Variants in LRP1B observed in about 807,000 individuals in gnomAD.
LRP1B encodes the protein low-density lipoprotein receptor-related protein 1B.
LRP1B carries 217 observed loss-of-function variants against 556.6 expected under a neutral mutation model. That is an observed-to-expected ratio of 0.39 (90% CI 0.35 to 0.44). The LOEUF is 0.44. Among genes scored for constraint, LRP1B ranks in the 20% least tolerant of loss-of-function variants. LRP1B has a pLI of 1.00. For missense variants in LRP1B, 5,053 were observed against 5,620.8 expected, an observed-to-expected ratio of 0.90 and a Z score of 3.23; for synonymous variants, 2,047 against 1,865.8, an observed-to-expected ratio of 1.10 and a Z score of -2.50.
chr2:141,000,508 A>G (rs577115433), intron 15 of LRP1B, among the ~76,000 whole-genome samples: 2 of 152,032 alleles, frequency 1.3e-5, no homozygotes, highest in Non-Finnish European at 2.9e-5. Context: ...TGTCTATTAC[A>G]AGTACAGGTG....
chr2:141,717,395 T>G (rs1037852373), intron 2 of LRP1B, among the ~76,000 whole-genome samples: 4 of 152,210 alleles, frequency 2.6e-5, no homozygotes, highest in African/African-American at 9.6e-5. Flanking sequence ...GCACTTCAAG[T>G]TGACCAGTGG....
intron 41 of LRP1B, among the ~76,000 whole-genome samples, chr2:140,608,474 C>T (rs574043384): frequency 6.6e-6 from 1 of 152,244 alleles, no homozygotes; most frequent in South Asian, 2.1e-4. Context: ...GAGATCCAAC[C>T]CTTTCAAAGG....
chr2:141,826,197 A>G (rs542870911), intron 1 of LRP1B, among the ~76,000 whole-genome samples: 4 of 151,748 alleles, frequency 2.6e-5, no homozygotes, highest in East Asian at 1.9e-4. Context: ...ATATATATAA[A>G]TTATCAGGGA....
chr2:140,581,007 T>A (rs1317619559), intron 43 of LRP1B, among the ~76,000 whole-genome samples: 1 of 152,200 alleles, frequency 6.6e-6, no homozygotes, highest in Non-Finnish European at 1.5e-5. Flanking sequence ...ATTGCAGCAA[T>A]AAATCAAAAG....
chr2:140,959,981 C>T (rs1695986516), intron 18 of LRP1B, among the ~76,000 whole-genome samples: 1 of 151,510 alleles, frequency 6.6e-6, no homozygotes, highest in African/African-American at 2.4e-5. Context: ...GGGTACTTTT[C>T]GTTCAGTTTC....
intron 1 of LRP1B, among the ~76,000 whole-genome samples, chr2:141,868,834 A>G (rs1360307525): frequency 1.3e-5 from 2 of 152,148 alleles, no homozygotes; most frequent in Non-Finnish European, 2.9e-5. Context: ...CAAAATGTCA[A>G]GAAAGGTATC....
intron 55 of LRP1B, among the ~76,000 whole-genome samples, chr2:140,500,152 C>G (rs2104886260): frequency 6.6e-6 from 1 of 151,996 alleles, no homozygotes; most frequent in South Asian, 2.1e-4. Context: ...TCTAAGTTTA[C>G]AAGTTTAACC....
At chr2:140,979,208 G>A (rs1380003460) in intron 18 of LRP1B, among the ~76,000 whole-genome samples, 1 of 151,998 alleles carries the variant, frequency 6.6e-6, no homozygotes, top group Non-Finnish European at 1.5e-5. Flanking sequence ...CCAACTCTTG[G>A]CCTCAAGCGA....
rs766909516 is a variant in LRP1B, at chr2:140,487,689, G to A, written c.9171C>T (p.Ile3057=). The A allele has an allele frequency of 6.3e-7, 1 of 1,592,996 alleles. No individual in the cohort carries two copies. Among genetic ancestry groups the A allele is most frequent in the Admixed American group, 1.7e-5 (1 of 58,840 alleles). Residue 3057 remains isoleucine (I), a synonymous_variant, in exon 58 of 91, where the codon ATC becomes ATT. Transcript: ENST00000389484. ...TGGGTCGGCTAGAATCGATCCAATA[G>A]ATGAATTCTTCTCTGTAATCAAAGT... ...AIDFDYREEF[I]YWIDSSRPNG...
chr2:140,407,598 C>T (rs767237746), intron 66 of LRP1B, among the ~76,000 whole-genome samples: 4 of 152,032 alleles, frequency 2.6e-5, no homozygotes, highest in Non-Finnish European at 5.9e-5. Context: ...TACTGATCAT[C>T]AGGGAAATGT....
chr2:142,082,303 A>C (rs1574664558), intron 1 of LRP1B, among the ~76,000 whole-genome samples: 1 of 152,330 alleles, frequency 6.6e-6, no homozygotes, highest in Non-Finnish European at 1.5e-5. Flanking sequence ...AACACAGGCA[A>C]GATGAATCAA....
At chr2:141,489,135 T>G (rs1254167008) in intron 2 of LRP1B, among the ~76,000 whole-genome samples, 862 of 36,908 alleles carry the variant, frequency 0.023, 30 homozygotes, top group African/African-American at 0.055. Flanking sequence ...TTTTTTTTTT[T>G]TTTTTGTGAG....
intron 41 of LRP1B, among the ~76,000 whole-genome samples, chr2:140,688,905 T>A (rs1686141519): frequency 6.6e-6 from 1 of 152,216 alleles, no homozygotes; most frequent in Non-Finnish European, 1.5e-5. Context: ...TTACAGAAAT[T>A]TGAAGAGCTA....
intron 2 of LRP1B, among the ~76,000 whole-genome samples, chr2:141,692,347 C>G (rs897443142): frequency 6.6e-6 from 1 of 151,966 alleles, no homozygotes; most frequent in African/African-American, 2.4e-5. Flanking sequence ...AATTCAAGTA[C>G]GCTAAACTAC....
chr2:142,099,674 C>T (rs13425995), intron 1 of LRP1B, among the ~76,000 whole-genome samples: 3,513 of 152,028 alleles, frequency 0.023, 57 homozygotes, highest in African/African-American at 0.039. Flanking sequence ...CCAAATTCTT[C>T]TCTTGGCCTT....
intron 1 of LRP1B, among the ~76,000 whole-genome samples, chr2:141,848,637 C>G (rs528895948): frequency 2.1e-4 from 32 of 151,404 alleles, no homozygotes; most frequent in South Asian, 2.1e-3. Flanking sequence ...TACATTAACA[C>G]CAAATGTATA....
At chr2:140,989,784 T>C in intron 16 of LRP1B, 127 bp from the exon 17 acceptor site, 1 of 798,022 alleles carries the variant, frequency 1.3e-6, no homozygotes, top group Non-Finnish European at 1.9e-6. Flanking sequence ...GAGTCTGTCA[T>C]TCATTGCCTT....
At chr2:140,943,740 C>T (rs960931206) in intron 20 of LRP1B, among the ~76,000 whole-genome samples, 6 of 152,048 alleles carry the variant, frequency 3.9e-5, no homozygotes, top group African/African-American at 1.4e-4. Flanking sequence ...AGAGATACAG[C>T]ATACTAAAAC....
chr2:141,927,829 C>T (rs767934503), intron 1 of LRP1B, among the ~76,000 whole-genome samples: 2 of 148,536 alleles, frequency 1.3e-5, no homozygotes, highest in Admixed American at 1.4e-4. Flanking sequence ...CATCTTCCCC[C>T]CAAGCTACAG....
Sources: allele counts gnomAD v4.1 joint callset (sites outside exome capture counted in the v4.1 genomes callset), GRCh38; gene constraint gnomAD v4.1.1; transcripts MANE v1.5; gene names NCBI Gene and HGNC (gene_info 2026-07-23, HGNC 2026-07-21).